The following PLXNA4 variants were observed in gnomAD, a reference collection of about 807,000 sequenced individuals.
The protein encoded by PLXNA4 is plexin-A4.
Under a neutral mutation model 191.8 loss-of-function variants are expected in PLXNA4, and 44 were observed. That is an observed-to-expected ratio of 0.23 (90% CI 0.18 to 0.29). The LOEUF is 0.29. PLXNA4 is among the 10% of genes least tolerant of loss of function. PLXNA4 has a pLI of 1.00. For synonymous variants in PLXNA4, 1,082 were observed against 1,009.5 expected (o/e 1.07, Z -1.36); for missense variants, 1,800 against 2,488.8 (o/e 0.72, Z 5.89).
chr7:132,226,811 C>A (rs1798340767), intron 7 of PLXNA4, among the ~76,000 whole-genome samples: 1 of 152,166 alleles, frequency 6.6e-6, no homozygotes. Context: ...CAGCCCTGAC[C>A]CTAGGCCCCC....
At chr7:132,552,029 G>T (rs755147814) in intron 1 of PLXNA4, among the ~76,000 whole-genome samples, 5 of 152,142 alleles carry the variant, frequency 3.3e-5, no homozygotes, top group Non-Finnish European at 4.4e-5. Context: ...CTTATTAGCA[G>T]GTTTGCTGAG....
intron 1 of PLXNA4, among the ~76,000 whole-genome samples, chr7:132,534,484 GAATCT>G (rs752687552): frequency 2.2e-4 from 34 of 152,242 alleles, no homozygotes; most frequent in South Asian, 1.5e-3. Context: ...CAGAGACCGA[GAATCT>G]GGCTCCAGGG....
rs1310644381 is a variant in PLXNA4, at chr7:132,124,418, G to A, written c.*6061C>T. 1 of 152,224 alleles carries A rather than the reference G, an allele frequency of 6.6e-6. No homozygotes were observed. Among genetic ancestry groups the A allele is most frequent in the Non-Finnish European group, 1.5e-5 (1 of 68,052 alleles). 9.4% of individuals were successfully genotyped at this position (152,224 alleles called of 1,614,324 possible). On this transcript the variant is annotated 3_prime_UTR_variant, in exon 32 of 32. Transcript: ENST00000321063. ...AGTCCTGTTTGGTGAAGTGGTCTCG[G>A]TTTCTTAAGCGTCCTTTGGGTTGCT...
chr7:132,434,311 C>T (rs542707098), intron 3 of PLXNA4, among the ~76,000 whole-genome samples: 1 of 152,310 alleles, frequency 6.6e-6, no homozygotes, highest in Non-Finnish European at 1.5e-5. Context: ...ACCCACATTG[C>T]TGTCCCTGGG....
At chr7:132,293,627 A>C (rs12673234) in intron 4 of PLXNA4, among the ~76,000 whole-genome samples, 45,644 of 152,152 alleles carry the variant, frequency 0.3, 7,045 homozygotes, top group Admixed American at 0.42. Context: ...TGCTGCAGAT[A>C]CCAAACAGAT....
At chr7:132,146,725 G>T (rs182867546) in intron 27 of PLXNA4, 25 bp from the exon 28 acceptor site, 1 of 1,612,182 alleles carries the variant, frequency 6.2e-7, no homozygotes, top group African/African-American at 1.3e-5. Flanking sequence ...ATCACCCCCC[G>T]ACATATGTGA....
intron 10 of PLXNA4, among the ~76,000 whole-genome samples, chr7:132,210,166 G>T (rs868171617): frequency 7.9e-5 from 12 of 152,190 alleles, no homozygotes; most frequent in African/African-American, 2.9e-4. Context: ...TATGTGTCTA[G>T]TGTTTGTCTC....
chr7:132,384,744 A>T, intron 3 of PLXNA4: 1 of 985,824 alleles, frequency 1.0e-6, no homozygotes, highest in Non-Finnish European at 1.2e-6. Context: ...ACAGATAAGC[A>T]TACACACACA....
intron 3 of PLXNA4, among the ~76,000 whole-genome samples, chr7:132,321,477 G>A (rs1253047580): frequency 2.0e-5 from 3 of 151,944 alleles, no homozygotes; most frequent in East Asian, 1.9e-4. Flanking sequence ...CCTGACCCAG[G>A]GAATGAGCAA....
At chr7:132,154,196 G>A (rs562629329) in intron 25 of PLXNA4, among the ~76,000 whole-genome samples, 1 of 152,262 alleles carries the variant, frequency 6.6e-6, no homozygotes, top group Admixed American at 6.5e-5. Flanking sequence ...GCTGTAGGGG[G>A]AGACAAGATT....
intron 2 of PLXNA4, among the ~76,000 whole-genome samples, chr7:132,633,524 A>T (rs977996417): frequency 1.3e-5 from 2 of 152,064 alleles, no homozygotes; most frequent in African/African-American, 4.8e-5. Flanking sequence ...CTTGTGATCC[A>T]CCTGCCTCGG....
intron 20 of PLXNA4, among the ~76,000 whole-genome samples, chr7:132,178,707 T>TAC (rs1366959944): frequency 4.4e-5 from 3 of 68,530 alleles, no homozygotes; most frequent in African/African-American, 1.1e-4. Flanking sequence ...CACATACACA[T>TAC]ACACATACAC....
intron 4 of PLXNA4, among the ~76,000 whole-genome samples, chr7:132,275,489 C>G (rs1035430037): frequency 3.9e-5 from 6 of 152,160 alleles, no homozygotes; most frequent in African/African-American, 1.4e-4. Flanking sequence ...AATTGGTGAT[C>G]AGAGGCACAT....
intron 3 of PLXNA4, among the ~76,000 whole-genome samples, chr7:132,424,982 C>T (rs1017279539): frequency 6.6e-6 from 1 of 152,144 alleles, no homozygotes; most frequent in African/African-American, 2.4e-5. Flanking sequence ...GGGTGAGCCG[C>T]TCACTGCCCC....
intron 31 of PLXNA4, among the ~76,000 whole-genome samples, chr7:132,131,569 C>A (rs1173216255): frequency 6.6e-6 from 1 of 152,162 alleles, no homozygotes; most frequent in Admixed American, 6.5e-5. Flanking sequence ...GATTTCATGA[C>A]CCAGTTAATG....
intron 3 of PLXNA4, among the ~76,000 whole-genome samples, chr7:132,452,974 G>A (rs1796178399): frequency 6.6e-6 from 1 of 152,308 alleles, no homozygotes; most frequent in African/African-American, 2.4e-5. Context: ...CAGTGGCAAA[G>A]ATGCTCCTTC....
Position 132,492,556 on chromosome 7 carries a change from A to T in PLXNA4, c.1189-3082T>A, listed in dbSNP as rs527653452. 2.6e-5 allele frequency among the ~76,000 whole-genome samples: 4 copies of T among 152,292 alleles called. No individual in the cohort carries two copies. In the South Asian group the frequency reaches 8.3e-4, roughly 32 times the overall value. Reference sequence around the variant, plus strand: ...TGGGGCCCCAAGTGATAAAGGTGCCATTGAGTCCTTTGACCAAGCACCGTC... The same window carrying T: ...TGGGGCCCCAAGTGATAAAGGTGCCTTTGAGTCCTTTGACCAAGCACCGTC... On this transcript the variant is annotated intron_variant, in intron 2 of 31. Coordinates refer to ENST00000321063, the MANE Select transcript of PLXNA4 (RefSeq NM_020911.2).
Position 132,574,551 on chromosome 7 carries a change from A to G in PLXNA4, c.-87+1871T>C, listed in dbSNP as rs554671287. On this transcript the variant is annotated intron_variant, in intron 1 of 31. Transcript: ENST00000321063. Reference sequence around the variant, plus strand: ...CCAGACTCTGAGAACGCATGTGTGTATATATATTGGGTGTGTGTGTGCACA... The same window carrying G: ...CCAGACTCTGAGAACGCATGTGTGTGTATATATTGGGTGTGTGTGTGCACA... 3.9e-5 allele frequency among the ~76,000 whole-genome samples: 6 copies of G among 152,350 alleles called. No homozygotes were observed. The South Asian group carries it at 8.3e-4, about 21-fold the overall frequency.
chr7:132,509,972 G>T (rs961369639), intron 1 of PLXNA4, among the ~76,000 whole-genome samples: 2 of 152,084 alleles, frequency 1.3e-5, no homozygotes, highest in African/African-American at 2.4e-5. Flanking sequence ...TAAAGGGAGA[G>T]AAAAAATGCT....
Sources: allele counts gnomAD v4.1 joint callset (sites outside exome capture counted in the v4.1 genomes callset), GRCh38; gene constraint gnomAD v4.1.1; transcripts MANE v1.5; gene names NCBI Gene and HGNC (gene_info 2026-07-23, HGNC 2026-07-21).